The following SGSM1 variants were observed in gnomAD, a reference collection of about 807,000 sequenced individuals.
SGSM1 encodes the protein small G protein signaling modulator 1, also known as RUN and TBC1 domain containing 2.
SGSM1 carries 73 observed loss-of-function variants against 133.8 expected under a neutral mutation model. The ratio of observed to expected loss-of-function variants is 0.55; its 90% CI spans 0.45 to 0.66. The LOEUF is 0.66. Among genes scored for constraint, SGSM1 ranks in the 30% least tolerant of loss-of-function variants. SGSM1 has a pLI of 0.00. For synonymous variants in SGSM1, 563 were observed against 573.0 expected (o/e 0.98, Z 0.25); for missense variants, 1,213 against 1,448.1 (o/e 0.84, Z 2.64).
chr22:24,874,589 G>A, intron 12 of SGSM1: 1 of 1,582,958 alleles, frequency 6.3e-7, no homozygotes, highest in Non-Finnish European at 8.6e-7. Flanking sequence ...AGTAATGTCT[G>A]GGATCTCCCC....
Position 24,844,889 on chromosome 22 carries a change from C to T in SGSM1, c.64-8C>T, listed in dbSNP as rs1930005619. 6.2e-7 allele frequency: 1 copy of T among 1,613,360 alleles called. No homozygotes were observed. ...ACCTCTTCCCCTCCGGTCACCTTTG[C>T]CTTCCAGGTGAAGCAGATCATGGAG... On this transcript the variant is annotated splice_region_variant and splice_polypyrimidine_tract_variant and intron_variant, in intron 2 of 24. Coordinates refer to ENST00000400358, the MANE Select transcript of SGSM1 (RefSeq NM_001098497.3).
Position 24,926,895 on chromosome 22 carries a change from T to G in SGSM1, c.*2621T>G, listed in dbSNP as rs1035842603. 3 of 152,000 alleles carry G rather than the reference T, an allele frequency of 2.0e-5. No individual in the cohort carries two copies. Among genetic ancestry groups the G allele is most frequent in the Non-Finnish European group, 4.4e-5 (3 of 67,992 alleles). The allele number at this position is 152,000 out of a possible 1,614,324, so 9.4% of individuals were successfully genotyped here. ...TTTTAATTTGAAAGAAAAAAATGCT[T>G]GCTTCTGAGGACTGTGTCCTCCCAC... On this transcript the variant is annotated 3_prime_UTR_variant, in exon 25 of 25. Coordinates refer to ENST00000400358, the MANE Select transcript of SGSM1 (RefSeq NM_001098497.3).
rs141728644 is a variant in SGSM1 at position 24,859,621 on chromosome 22, G to T, written c.802-95G>T. 293 of 1,544,426 alleles carry T rather than the reference G, an allele frequency of 1.9e-4. 2 individuals carry two copies. The African/African-American group carries it at 3.4e-3, about 18-fold the overall frequency. Reference sequence around the variant, plus strand: ...TTGAAGGGATTAACCCAACCTCTTAGTTCTGATTATGTGTTCTTAAATCAA... The same window carrying T: ...TTGAAGGGATTAACCCAACCTCTTATTTCTGATTATGTGTTCTTAAATCAA... On this transcript the variant is annotated intron_variant, in intron 8 of 24. Coordinates refer to ENST00000400358, the MANE Select transcript of SGSM1 (RefSeq NM_001098497.3).
chr22:24,861,505 CTT>C (rs1931151216), intron 9 of SGSM1, among the ~76,000 whole-genome samples: 1 of 151,820 alleles, frequency 6.6e-6, no homozygotes, highest in African/African-American at 2.4e-5. Flanking sequence ...CTCTCTCTCT[CTT>C]TTTAAACATT....
chr22:24,859,580 C>G (rs1931005241), intron 8 of SGSM1, 136 bp from the exon 9 acceptor site: 1 of 1,249,938 alleles, frequency 8.0e-7, no homozygotes, highest in South Asian at 1.3e-5. Flanking sequence ...TTAGAGTCTT[C>G]CACATGGCCA....
At position 24,924,406 on chromosome 22, in the gene SGSM1, CAAAG is replaced by C; in HGVS notation, c.*136_*139del. ...GTTCACAAGCGTGGAGTTCAGTGCGCAAAGAAACTACCCTGACTTTTACTTCTGG... is the reference window on the plus strand; with the variant it reads ...GTTCACAAGCGTGGAGTTCAGTGCGCAAACTACCCTGACTTTTACTTCTGG... On this transcript the variant is annotated 3_prime_UTR_variant, in exon 25 of 25. Transcript: ENST00000400358. 5.7e-6 allele frequency: 4 copies of C among 702,204 alleles called. No individual in the cohort carries two copies. Among genetic ancestry groups the C allele is most frequent in the Non-Finnish European group, 1.0e-5 (4 of 400,326 alleles). 43.5% of individuals were successfully genotyped at this position (702,204 alleles called of 1,614,324 possible). A position where few individuals can be genotyped will look rare whatever the true frequency, so the allele number is the denominator to read the frequency against.
At chr22:24,917,094 T>G (rs1933845821) in intron 22 of SGSM1, among the ~76,000 whole-genome samples, 1 of 150,558 alleles carries the variant, frequency 6.6e-6, no homozygotes, top group South Asian at 2.1e-4. Context: ...GGTCTTGCTA[T>G]GTTGCCCAGG....
intron 18 of SGSM1, among the ~76,000 whole-genome samples, chr22:24,896,168 A>T (rs1388981318): frequency 6.6e-6 from 1 of 152,174 alleles, no homozygotes. Context: ...GAATGGTATG[A>T]GGAGCAACCA....
chr22:24,897,932 G>C (rs758401470), intron 18 of SGSM1, 40 bp from the exon 19 acceptor site: 5 of 1,525,142 alleles, frequency 3.3e-6, no homozygotes, highest in Admixed American at 2.0e-5. Context: ...TGCTGCAGTC[G>C]ACATGCCGGT....
chr22:24,891,672 C>T lies in SGSM1; in HGVS notation c.1771-1759C>T, dbSNP rs984459145. Among the ~76,000 whole-genome samples the T allele has an allele frequency of 3.3e-5, 5 of 152,250 alleles. No homozygotes were observed. The South Asian group carries it at 1.0e-3, about 32-fold the overall frequency. Reference sequence around the variant, plus strand: ...ATGCAGAAGCACATTAGGTGAGGTCCTTCCCAGTTTCATGGGGGTTGTGGT... The same window carrying T: ...ATGCAGAAGCACATTAGGTGAGGTCTTTCCCAGTTTCATGGGGGTTGTGGT... On this transcript the variant is annotated intron_variant, in intron 16 of 24. Transcript: ENST00000400358.
chr22:24,823,940 C>G (rs183637560), intron 2 of SGSM1, among the ~76,000 whole-genome samples: 1 of 152,280 alleles, frequency 6.6e-6, no homozygotes, highest in East Asian at 1.9e-4. Flanking sequence ...TATTATCTTA[C>G]GCCAGTGAGG....
chr22:24,886,796 A>C, intron 16 of SGSM1, 68 bp downstream of exon 16: 1 of 1,511,040 alleles, frequency 6.6e-7, no homozygotes, highest in Non-Finnish European at 8.9e-7. Context: ...GGGGCTGGGG[A>C]GTGCTGGTTC....
intron 5 of SGSM1, among the ~76,000 whole-genome samples, chr22:24,853,680 C>G (rs1930609402): frequency 6.6e-6 from 1 of 151,558 alleles, no homozygotes; most frequent in Non-Finnish European, 1.5e-5. Context: ...CATCTTGGCT[C>G]ACTGCAAGCT....
At chr22:24,836,465 G>T (rs1929434995) in intron 2 of SGSM1, among the ~76,000 whole-genome samples, 1 of 152,202 alleles carries the variant, frequency 6.6e-6, no homozygotes, top group Non-Finnish European at 1.5e-5. Flanking sequence ...TTGGGTGTAT[G>T]CCCAGAAGTG....
chr22:24,917,615 A>T (rs752713037), intron 22 of SGSM1, 43 bp from the exon 23 acceptor site: 1 of 1,515,002 alleles, frequency 6.6e-7, no homozygotes, highest in South Asian at 1.1e-5. Flanking sequence ...CTCTGCTCCA[A>T]CCTTTTCCCA....
chr22:24,845,961 CTTTCTTTCTTTCTTTCTTTCTT>C (rs1930103319), intron 3 of SGSM1, among the ~76,000 whole-genome samples: 5 of 104,834 alleles, frequency 4.8e-5, no homozygotes, highest in Non-Finnish European at 1.1e-4. Context: ...TTCTTTCTTT[CTTTCTTTCTTTCTTTCTTTCTT>C]TCTTTCTTTC....
At chr22:24,831,335 G>T (rs139445304) in intron 2 of SGSM1, among the ~76,000 whole-genome samples, 1,591 of 152,168 alleles carry the variant, frequency 0.01, 30 homozygotes, top group East Asian at 0.065. Context: ...AGGGGAGCTG[G>T]GATGGCCTGT....
At chr22:24,831,693 C>A (rs910152696) in intron 2 of SGSM1, among the ~76,000 whole-genome samples, 3 of 152,216 alleles carry the variant, frequency 2.0e-5, no homozygotes, top group African/African-American at 7.2e-5. Context: ...ACAAAAAGCC[C>A]TCTTGATATC....
At chr22:24,867,008 T>C in intron 9 of SGSM1, 85 bp from the exon 10 acceptor site, 1 of 1,293,922 alleles carries the variant, frequency 7.7e-7, no homozygotes, top group Non-Finnish European at 1.1e-6. Context: ...GAGGAGCTCC[T>C]GGTTGTGGTC....
Sources: allele counts gnomAD v4.1 joint callset (sites outside exome capture counted in the v4.1 genomes callset), GRCh38; gene constraint gnomAD v4.1.1; transcripts MANE v1.5; gene names NCBI Gene and HGNC (gene_info 2026-07-23, HGNC 2026-07-21).